NAP1L1: variants seen among roughly 807,000 people sequenced by gnomAD.
NAP1L1 encodes nucleosome assembly protein 1-like 1.
A neutral mutation model predicts 58.9 loss-of-function variants in NAP1L1; 9 were observed. The observed-to-expected ratio is 0.15, with a 90% CI of 0.09 to 0.27. The LOEUF is 0.27. Among genes scored for constraint, NAP1L1 ranks in the 10% least tolerant of loss-of-function variants. The probability of loss-of-function intolerance (pLI) is 1.00; values close to 1 mark genes in which losing one functional copy is unlikely to be tolerated. For missense variants in NAP1L1, 302 were observed against 458.8 expected (o/e 0.66, Z 3.12); for synonymous variants, 130 against 138.3 (o/e 0.94, Z 0.42).
chr12:76,050,576 T>C lies in NAP1L1; in HGVS notation c.1014A>G (p.Ser338=), dbSNP rs754425071. ...TAGCTTCTCCAGTAAAATATAACACTGATCTTGGGATTATACGCTCACGTA... is the reference window on the plus strand; with the variant it reads ...TAGCTTCTCCAGTAAAATATAACACCGATCTTGGGATTATACGCTCACGTA... The part of the protein sequence containing the change: ...HFLRERIIPR[S]VLYFTGEAIE... The change falls in exon 12 of 15, where the codon TCA becomes TCG. Residue 338 remains serine, a synonymous_variant. Transcript: ENST00000618691. 3.1e-6 allele frequency: 5 copies of C among 1,612,408 alleles called. No individual in the cohort carries two copies. In the Admixed American group the frequency reaches 6.7e-5, roughly 22 times the overall value.
intron 11 of NAP1L1, among the ~76,000 whole-genome samples, chr12:76,051,607 C>T (rs928010008): frequency 6.6e-5 from 10 of 152,118 alleles, no homozygotes; most frequent in South Asian, 4.1e-4. Flanking sequence ...TCAAGTGATC[C>T]TTCCACCTCC....
At chr12:76,067,292 A>G (rs1949725496) in intron 4 of NAP1L1, 79 bp downstream of exon 4, 1 of 1,087,808 alleles carries the variant, frequency 9.2e-7, no homozygotes, top group Non-Finnish European at 1.4e-6. Flanking sequence ...GCATATCTAA[A>G]TCCTAGATGG....
Position 76,048,147 on chromosome 12 carries a change from A to G in NAP1L1, c.*282T>C, listed in dbSNP as rs1948662936. On this transcript the variant is annotated 3_prime_UTR_variant, in exon 15 of 15. Transcript: ENST00000618691. ...TCCTTTAACAGTTGTTAATTTTCAT[A>G]GCTGTACTCCAAGAGCTACATAAAA... 2.6e-6 allele frequency: 1 copy of G among 385,836 alleles called. No homozygotes were observed. The highest frequency in any genetic ancestry group is 3.9e-5 in the East Asian group (1 of 25,648). 23.9% of individuals were successfully genotyped at this position (385,836 alleles called of 1,614,324 possible).
chr12:76,037,996 GATT>G lies in NAP1L1; in HGVS notation c.*10430_*10432del, dbSNP rs1346144012. 1 of 152,192 alleles carries G rather than the reference GATT, an allele frequency of 6.6e-6. No individual in the cohort carries two copies. The highest frequency in any genetic ancestry group is 1.5e-5 in the Non-Finnish European group (1 of 68,038). The allele number at this position is 152,192 out of a possible 1,614,324, so 9.4% of individuals were successfully genotyped here. A position where few individuals can be genotyped will look rare whatever the true frequency, so the allele number is the denominator to read the frequency against. On this transcript the variant is annotated 3_prime_UTR_variant, in exon 15 of 15. Transcript: ENST00000618691. ...GTATTAACAAGTAACCAGGAAGTCT[GATT>G]ATTTGTAAACTTGTTATGGTAATAT...
chr12:76,053,734 A>T (rs547546374), intron 9 of NAP1L1, 36 bp downstream of exon 9: 1,190 of 1,595,014 alleles, frequency 7.5e-4, no homozygotes, highest in South Asian at 1.1e-3. Flanking sequence ...CAAAAACAGA[A>T]AAAACATTTT....
At chr12:76,064,885 G>A (rs962961538) in intron 4 of NAP1L1, among the ~76,000 whole-genome samples, 1 of 151,874 alleles carries the variant, frequency 6.6e-6, no homozygotes, top group Non-Finnish European at 1.5e-5. Context: ...TCTACCCTAA[G>A]AACTGCTAAT....
intron 2 of NAP1L1, among the ~76,000 whole-genome samples, chr12:76,069,804 G>A (rs753846754): frequency 2.6e-5 from 4 of 151,422 alleles, no homozygotes; most frequent in Admixed American, 6.6e-5. Flanking sequence ...TAATAAGATA[G>A]CATCCTTCCC....
chr12:76,041,704 A>G lies in NAP1L1; in HGVS notation c.*6725T>C, dbSNP rs1377625772. The G allele has an allele frequency of 2.0e-5, 3 of 152,210 alleles. No individual in the cohort carries two copies. The highest frequency in any genetic ancestry group is 7.2e-5 in the African/African-American group (3 of 41,440). The allele number at this position is 152,210 out of a possible 1,614,324, so 9.4% of individuals were successfully genotyped here. A position where few individuals can be genotyped will look rare whatever the true frequency, so the allele number is the denominator to read the frequency against. On this transcript the variant is annotated 3_prime_UTR_variant, in exon 15 of 15. Transcript: ENST00000618691. ...AGACACTAGTCCAGGCAACATAGTG[A>G]GAATCATCTCAAAGATAATAAAAAT...
chr12:76,053,154 CA>C, intron 10 of NAP1L1, 44 bp from the exon 11 acceptor site: 1 of 1,612,312 alleles, frequency 6.2e-7, no homozygotes, highest in Non-Finnish European at 8.5e-7. Flanking sequence ...AGAAGCTAAG[CA>C]ATGCTTTTTA....
intron 11 of NAP1L1, among the ~76,000 whole-genome samples, 178 bp from the exon 12 acceptor site, chr12:76,050,831 T>C (rs943706800): frequency 2.0e-5 from 3 of 151,870 alleles, no homozygotes; most frequent in African/African-American, 4.8e-5. Flanking sequence ...CTAAGCAACA[T>C]AGTGAGACGC....
At chr12:76,061,048 C>T (rs937981531) in intron 4 of NAP1L1, 3 of 444,876 alleles carry the variant, frequency 6.7e-6, no homozygotes, top group African/African-American at 6.1e-5. Flanking sequence ...AGCAAGATTG[C>T]ACCACCACTG....
intron 1 of NAP1L1, among the ~76,000 whole-genome samples, chr12:76,083,373 G>A (rs1046656987): frequency 4.0e-5 from 6 of 149,368 alleles, no homozygotes; most frequent in Non-Finnish European, 5.9e-5. Flanking sequence ...TCTAAGAACC[G>A]TTTGCAGGGG....
rs1280758867 is a variant in NAP1L1, at chr12:76,039,241, A to G, written c.*9188T>C. On this transcript the variant is annotated 3_prime_UTR_variant, in exon 15 of 15. Transcript: ENST00000618691. ...TTTTAGCACTGTGAGCATAAACCAT[A>G]GGTTCTTCTTTTTACAGGAGAGGTT... is the stretch of plus-strand genomic sequence containing the variant. 1 of 152,168 alleles carries G rather than the reference A, an allele frequency of 6.6e-6. No individual in the cohort carries two copies. Among genetic ancestry groups the G allele is most frequent in the Non-Finnish European group, 1.5e-5 (1 of 68,032 alleles). The allele number at this position is 152,168 out of a possible 1,614,324, so 9.4% of individuals were successfully genotyped here.
At chr12:76,052,737 C>T (rs955389626) in intron 11 of NAP1L1, among the ~76,000 whole-genome samples, 1 of 152,054 alleles carries the variant, frequency 6.6e-6, no homozygotes, top group African/African-American at 2.4e-5. Context: ...ATTGGAGTAA[C>T]AAATTCAGGA....
In NAP1L1 at chr12:76,060,271, C is replaced by T. The variant is rs757764434; in HGVS notation, c.215G>A (p.Arg72Lys). 1 of 1,613,596 alleles carries T rather than the reference C, an allele frequency of 6.2e-7. No homozygotes were observed. Among genetic ancestry groups the T allele is most frequent in the South Asian group, 1.1e-5 (1 of 91,048 alleles). ...AGCATTCACTCGTCTTTTAACTACC[C>T]TAGGCAGGCTGAAAGGTTAGAAATC... ...TPTGYIESLP[R>K]VVKRRVNALK... is the part of the protein sequence containing the mutation. The change falls in exon 5 of 15, where the codon AGG becomes AAG. Residue 72 changes from arginine to lysine, a missense_variant. Arg to Lys is a conservative substitution (Grantham distance 26, BLOSUM62 2). Coordinates refer to ENST00000618691, the MANE Select transcript of NAP1L1 (RefSeq NM_004537.7).
At chr12:76,066,389 AT>A (rs1382980528) in intron 4 of NAP1L1, among the ~76,000 whole-genome samples, 4 of 152,086 alleles carry the variant, frequency 2.6e-5, no homozygotes, top group African/African-American at 9.6e-5. Flanking sequence ...CCATGGATAA[AT>A]TTGTAGAAAT....
At position 76,067,390 on chromosome 12, in the gene NAP1L1, G is replaced by C; in HGVS notation, c.187C>G (p.Pro63Ala). The C allele has an allele frequency of 6.2e-7, 1 of 1,608,866 alleles. No homozygotes were observed. The highest frequency in any genetic ancestry group is 8.5e-7 in the Non-Finnish European group (1 of 1,176,776). Residue 63 changes from proline (P) to alanine (A), a missense_variant, in exon 4 of 15, where the codon CCA (proline) becomes GCA (alanine). Coordinates refer to ENST00000618691, the MANE Select transcript of NAP1L1 (RefSeq NM_004537.7). ...CTGTACCTTTCAATGTATCCTGTTG[G>C]TGTTTCTACCAGACCATCAAGTCTT... is the stretch of plus-strand genomic sequence containing the variant. ...QERLDGLVET[P>A]TGYIESLPRV...
intron 1 of NAP1L1, among the ~76,000 whole-genome samples, chr12:76,077,465 C>A (rs979783144): frequency 1.3e-5 from 2 of 152,142 alleles, no homozygotes; most frequent in Non-Finnish European, 2.9e-5. Flanking sequence ...ACCCAAAAAT[C>A]TGCATTCTAA....
At chr12:76,060,696 C>T (rs1358126035) in intron 4 of NAP1L1, among the ~76,000 whole-genome samples, 1 of 152,162 alleles carries the variant, frequency 6.6e-6, no homozygotes, top group Non-Finnish European at 1.5e-5. Context: ...CAAGATTCCA[C>T]ACACCATTAT....
Sources: allele counts gnomAD v4.1 joint callset (sites outside exome capture counted in the v4.1 genomes callset), GRCh38; gene constraint gnomAD v4.1.1; transcripts MANE v1.5; gene names NCBI Gene and HGNC (gene_info 2026-07-23, HGNC 2026-07-21).